The following NAV3 variants were observed in gnomAD, a reference collection of about 807,000 sequenced individuals.
NAV3 encodes the protein neuron navigator 3, also known as pore membrane and/or filament interacting like protein 1.
In NAV3, 87 loss-of-function variants were observed where a neutral mutation model predicts 244.7. The ratio of observed to expected loss-of-function variants is 0.36; its 90% CI spans 0.30 to 0.42. The LOEUF (loss-of-function observed/expected upper bound fraction) is 0.42, where lower values mean the gene tolerates loss of function less well. Among genes scored for constraint, NAV3 ranks in the 20% least tolerant of loss-of-function variants. The pLI, the probability that NAV3 is intolerant of heterozygous loss-of-function variation, is 1.00. For synonymous variants in NAV3, 1,126 were observed against 1,042.2 expected, an observed-to-expected ratio of 1.08 and a Z score of -1.55; for missense variants, 2,663 against 2,893.3, an observed-to-expected ratio of 0.92 and a Z score of 1.83.
intron 2 of NAV3, among the ~76,000 whole-genome samples, chr12:77,627,929 T>C (rs76157027): frequency 0.013 from 2,007 of 152,266 alleles, 22 homozygotes; most frequent in East Asian, 0.021. Context: ...AACGAAAATA[T>C]CACATGTTCT....
intron 5 of NAV3, among the ~76,000 whole-genome samples, chr12:77,991,026 T>C (rs1182334146): frequency 1.2e-4 from 18 of 152,238 alleles, no homozygotes; most frequent in Middle Eastern, 3.4e-3. Context: ...TTATTGTTTA[T>C]TTATTTTTTT....
At chr12:77,809,799 G>A (rs4761401) in intron 2 of NAV3, among the ~76,000 whole-genome samples, 104,683 of 152,024 alleles carry the variant, frequency 0.69, 36,262 homozygotes, top group African/African-American at 0.75. Context: ...GCTAATTTCC[G>A]CTTTATAGCA....
chr12:77,768,144 G>T (rs565927086), intron 2 of NAV3, among the ~76,000 whole-genome samples: 2 of 152,286 alleles, frequency 1.3e-5, no homozygotes, highest in South Asian at 2.1e-4. Context: ...GCTGAGTCTG[G>T]GGTTTTTATG....
intron 5 of NAV3, among the ~76,000 whole-genome samples, chr12:77,979,086 C>A (rs968412685): frequency 6.6e-6 from 1 of 151,316 alleles, no homozygotes; most frequent in Non-Finnish European, 1.5e-5. Context: ...TCTCAAAAAT[C>A]ATAATTGTCT....
intron 2 of NAV3, among the ~76,000 whole-genome samples, chr12:77,625,535 G>T (rs1221034353): frequency 6.6e-6 from 1 of 152,070 alleles, no homozygotes; most frequent in African/African-American, 2.4e-5. Context: ...AAGAAATTTT[G>T]TGTCTTAACT....
intron 2 of NAV3, among the ~76,000 whole-genome samples, chr12:77,768,364 C>A (rs920171160): frequency 5.3e-5 from 8 of 152,212 alleles, no homozygotes; most frequent in African/African-American, 1.9e-4. Context: ...CTCCTGCCAC[C>A]ATTTACATGT....
At chr12:78,150,223 A>C (rs923654819) in intron 22 of NAV3, among the ~76,000 whole-genome samples, 1 of 152,088 alleles carries the variant, frequency 6.6e-6, no homozygotes, top group Non-Finnish European at 1.5e-5. Context: ...TAAATGTCAG[A>C]ACCTCCTGGG....
intron 2 of NAV3, among the ~76,000 whole-genome samples, chr12:77,652,359 C>T (rs924932716): frequency 2.0e-5 from 3 of 152,196 alleles, no homozygotes; most frequent in African/African-American, 4.8e-5. Context: ...ATAGAGCCTA[C>T]TCCCTAAAGT....
chr12:77,799,230 T>G (rs1356936), intron 2 of NAV3, among the ~76,000 whole-genome samples: 148,190 of 152,302 alleles, frequency 0.97, 72,252 homozygotes, highest in East Asian at 1. Context: ...AGACAACACA[T>G]GGATGTAGAT....
chr12:77,889,110 C>G (rs533537992), intron 1 of NAV3, among the ~76,000 whole-genome samples: 1 of 152,218 alleles, frequency 6.6e-6, no homozygotes, highest in East Asian at 1.9e-4. Flanking sequence ...GACTTTTGGT[C>G]AAACATTATT....
chr12:78,096,277 T>G (rs1954246405), intron 12 of NAV3, among the ~76,000 whole-genome samples: 1 of 152,166 alleles, frequency 6.6e-6, no homozygotes, highest in African/African-American at 2.4e-5. Context: ...ACAAACTGCT[T>G]GAGTAGGAGC....
At chr12:78,108,104 A>G (rs1954900744) in intron 12 of NAV3, among the ~76,000 whole-genome samples, 1 of 152,182 alleles carries the variant, frequency 6.6e-6, no homozygotes, top group Non-Finnish European at 1.5e-5. Flanking sequence ...AAGTAAAAGA[A>G]TGGTAAAAGA....
intron 7 of NAV3, among the ~76,000 whole-genome samples, chr12:78,002,325 C>A (rs1264455132): frequency 6.6e-6 from 1 of 152,100 alleles, no homozygotes; most frequent in Admixed American, 6.6e-5. Flanking sequence ...ATCTTTTTGC[C>A]ATTTCTCACC....
chr12:78,062,996 A>C (rs772992054), intron 12 of NAV3, among the ~76,000 whole-genome samples: 7 of 152,188 alleles, frequency 4.6e-5, no homozygotes, highest in Non-Finnish European at 1.0e-4. Flanking sequence ...GCTACCTAGC[A>C]TAGCAATGGA....
intron 1 of NAV3, among the ~76,000 whole-genome samples, chr12:77,903,012 G>A (rs1319668249): frequency 6.6e-6 from 1 of 152,162 alleles, no homozygotes; most frequent in Non-Finnish European, 1.5e-5. Flanking sequence ...ACAAATGGAA[G>A]CACATTCCAT....
At chr12:77,766,398 C>A (rs941840514) in intron 2 of NAV3, among the ~76,000 whole-genome samples, 2 of 152,170 alleles carry the variant, frequency 1.3e-5, no homozygotes, top group African/African-American at 2.4e-5. Flanking sequence ...TTCTTTTTAT[C>A]TTAGTCTCAG....
At chr12:77,712,110 A>G (rs1310797214) in intron 2 of NAV3, among the ~76,000 whole-genome samples, 1 of 152,160 alleles carries the variant, frequency 6.6e-6, no homozygotes, top group East Asian at 1.9e-4. Flanking sequence ...GCTGTTTTGT[A>G]TGATTTTTCA....
Position 78,112,339 on chromosome 12 carries a change from A to G in NAV3, c.2637-4433A>G, listed in dbSNP as rs1232457943. Among the ~76,000 whole-genome samples the G allele has an allele frequency of 3.3e-5, 5 of 152,266 alleles. No individual in the cohort carries two copies. In the South Asian group the frequency reaches 8.3e-4, roughly 25 times the overall value. ...GAGTCTGGGAATGTGAGCTTTTTAT[A>G]TCCTATTTTTGGGTGGTAAAGGTCA... On this transcript the variant is annotated intron_variant, in intron 12 of 39. Coordinates refer to ENST00000397909, the MANE Select transcript of NAV3 (RefSeq NM_001024383.2).
At chr12:77,665,789 C>CT (rs1464829653) in intron 2 of NAV3, among the ~76,000 whole-genome samples, 1 of 152,174 alleles carries the variant, frequency 6.6e-6, no homozygotes, top group Non-Finnish European at 1.5e-5. Context: ...ACTGTGATCC[C>CT]TGTCAGTCTC....
Sources: gnomAD v4.1 joint callset for allele counts (sites outside exome capture counted in the v4.1 genomes callset) on GRCh38, gnomAD v4.1.1 for gene constraint, MANE v1.5 for transcripts, NCBI Gene and HGNC (gene_info 2026-07-23, HGNC 2026-07-21) for gene names.